BRD10: variants seen among roughly 807,000 people sequenced by gnomAD.
BRD10 encodes uncharacterized bromodomain-containing protein 10.
chr9:5,945,842 T>C, the BRD10 span, among the ~76,000 whole-genome samples: 1 of 152,014 alleles, frequency 6.6e-6, no homozygotes, highest in Non-Finnish European at 1.5e-5. Context: ...TACAACCGAA[T>C]AGAGAGGAAA....
At chr9:5,996,464 A>T in the BRD10 span, among the ~76,000 whole-genome samples, 5 of 152,242 alleles carry the variant, frequency 3.3e-5, no homozygotes, top group African/African-American at 1.2e-4. Context: ...GATTACAAGC[A>T]TATGCCACTA....
At chr9:5,898,810 C>T in the BRD10 span, 1 of 152,290 alleles carries the variant, frequency 6.6e-6, no homozygotes. Flanking sequence ...CACTAAGCAT[C>T]CCAGGATATC....
the BRD10 span, chr9:5,920,368 T>C: frequency 1.2e-6 from 2 of 1,613,808 alleles, no homozygotes; most frequent in Non-Finnish European, 1.7e-6. Flanking sequence ...TATTGATGAC[T>C]ATTTTTTGCT....
the BRD10 span, chr9:5,908,823 C>A: frequency 1.0e-6 from 1 of 953,556 alleles, no homozygotes; most frequent in Non-Finnish European, 1.6e-6. Flanking sequence ...TGCAAGCCAT[C>A]TCTAATAATA....
chr9:5,996,212 A>T, the BRD10 span, among the ~76,000 whole-genome samples: 2 of 152,244 alleles, frequency 1.3e-5, no homozygotes, highest in Non-Finnish European at 1.5e-5. Context: ...GGAGAAGAAT[A>T]CAAACAAAAC....
the BRD10 span, among the ~76,000 whole-genome samples, chr9:5,959,060 A>G: frequency 1.8e-3 from 270 of 152,324 alleles, no homozygotes; most frequent in Non-Finnish European, 3.1e-3. Flanking sequence ...CACATAATTC[A>G]GTAACTCCTG....
the BRD10 span, among the ~76,000 whole-genome samples, chr9:5,925,742 T>C: frequency 6.6e-6 from 1 of 152,208 alleles, no homozygotes; most frequent in South Asian, 2.1e-4. Flanking sequence ...TTCACAGAGA[T>C]CTTTTTCATA....
the BRD10 span, among the ~76,000 whole-genome samples, chr9:5,996,916 T>C: frequency 6.6e-6 from 1 of 152,186 alleles, no homozygotes; most frequent in Non-Finnish European, 1.5e-5. Context: ...CTCAATATGC[T>C]AATGTTCCCT....
At chr9:5,939,070 A>G in the BRD10 span, among the ~76,000 whole-genome samples, 1 of 152,162 alleles carries the variant, frequency 6.6e-6, no homozygotes, top group Non-Finnish European at 1.5e-5. Context: ...GAGAAGAGGG[A>G]AAATTCCATT....
chr9:5,895,548 CAAG>C, the BRD10 span, among the ~76,000 whole-genome samples: 1 of 152,190 alleles, frequency 6.6e-6, no homozygotes, highest in African/African-American at 2.4e-5. Context: ...CACATCCAGC[CAAG>C]AAGGACTACA....
At chr9:5,906,753 T>C in the BRD10 span, 1 of 560,478 alleles carries the variant, frequency 1.8e-6, no homozygotes, top group African/African-American at 2.0e-5. Flanking sequence ...GTGATGAGAC[T>C]GAAGGCACAC....
At chr9:5,946,758 G>A in the BRD10 span, among the ~76,000 whole-genome samples, 1 of 151,964 alleles carries the variant, frequency 6.6e-6, no homozygotes, top group Non-Finnish European at 1.5e-5. Flanking sequence ...CACTACACAA[G>A]GAATAGGGTA....
the BRD10 span, among the ~76,000 whole-genome samples, chr9:5,957,831 C>T: frequency 2.6e-5 from 4 of 152,212 alleles, no homozygotes; most frequent in East Asian, 7.7e-4. Flanking sequence ...TGAGATACTA[C>T]AAAATCATGC....
the BRD10 span, chr9:5,933,604 T>C: frequency 3.0e-6 from 1 of 338,676 alleles, no homozygotes; most frequent in Non-Finnish European, 6.0e-6. Context: ...CATTATATCA[T>C]GCAGTTTTAT....
chr9:6,004,430 A>T, the BRD10 span, among the ~76,000 whole-genome samples: 915 of 152,298 alleles, frequency 6.0e-3, 12 homozygotes, highest in African/African-American at 0.021. Flanking sequence ...ACTGAGATTC[A>T]AGTTATATGC....
At chr9:5,998,099 G>A in the BRD10 span, among the ~76,000 whole-genome samples, 1 of 151,960 alleles carries the variant, frequency 6.6e-6, no homozygotes, top group Non-Finnish European at 1.5e-5. Flanking sequence ...ACTAAACTTA[G>A]TAAAAATAAA....
the BRD10 span, among the ~76,000 whole-genome samples, chr9:5,946,109 G>C: frequency 6.6e-6 from 1 of 151,988 alleles, no homozygotes; most frequent in Non-Finnish European, 1.5e-5. Context: ...AAATAAGACA[G>C]AGCCCCTTAA....
the BRD10 span, among the ~76,000 whole-genome samples, chr9:5,973,227 G>C: frequency 5.3e-5 from 8 of 152,200 alleles, no homozygotes; most frequent in East Asian, 1.9e-4. Context: ...AGCACTTTGG[G>C]AGGCCAAGGC....
At chr9:5,931,635 G>C in the BRD10 span, among the ~76,000 whole-genome samples, 8 of 152,250 alleles carry the variant, frequency 5.3e-5, no homozygotes, top group African/African-American at 1.9e-4. Flanking sequence ...GTCTGGGGTA[G>C]TGGTGGTATA....
Sources: gnomAD v4.1 joint callset for allele counts (sites outside exome capture counted in the v4.1 genomes callset) on GRCh38, gnomAD v4.1.1 for gene constraint, MANE v1.5 for transcripts, NCBI Gene and HGNC (gene_info 2026-07-23, HGNC 2026-07-21) for gene names.